Variants in ATXN3 observed in about 807,000 individuals in gnomAD.
The protein encoded by ATXN3 is ataxin-3.
In ATXN3, 28 loss-of-function variants were observed where a neutral mutation model predicts 58.2. The ratio of observed to expected loss-of-function variants is 0.48; its 90% CI spans 0.36 to 0.66. The LOEUF (loss-of-function observed/expected upper bound fraction) is 0.66, where lower values mean the gene tolerates loss of function less well. Ranked by LOEUF, ATXN3 falls within the 30% of genes least tolerant of loss-of-function variation. The probability of loss-of-function intolerance (pLI) is 0.00; values close to 1 mark genes in which losing one functional copy is unlikely to be tolerated. For missense variants in ATXN3, 321 were observed against 422.1 expected (o/e 0.76, Z 2.10); for synonymous variants, 113 against 138.5 (o/e 0.82, Z 1.29).
rs368734521 is a variant in ATXN3, at chr14:92,106,571, A to G, written c.-19T>C. On this transcript the variant is annotated 5_prime_UTR_variant, in exon 1 of 11. Transcript: ENST00000644486. ...ACTCCATGTTTATTTGTCTGGAGCC[A>G]ACGGCCCCCACGCCGAACCACCCCC... The G allele has an allele frequency of 1.7e-5, 28 of 1,611,738 alleles. No homozygotes were observed. The highest frequency in any genetic ancestry group is 2.2e-5 in the Non-Finnish European group (26 of 1,179,082).
In ATXN3 at chr14:92,060,247, C is replaced by T. The variant is rs1487027530; in HGVS notation, c.*4073G>A. ...ATATATATATACATATATATATACA[C>T]ACATATATATATATATATATATATT... On this transcript the variant is annotated 3_prime_UTR_variant, in exon 11 of 11. Transcript: ENST00000644486. The T allele has an allele frequency of 2.9e-5, 3 of 103,062 alleles. No individual in the cohort carries two copies. Among genetic ancestry groups the T allele is most frequent in the Non-Finnish European group, 5.7e-5 (3 of 52,588 alleles). The allele number at this position is 103,062 out of a possible 1,614,324, so 6.4% of individuals were successfully genotyped here.
intron 1 of ATXN3, among the ~76,000 whole-genome samples, chr14:92,097,975 T>C (rs1218922015): frequency 6.6e-6 from 1 of 152,216 alleles, no homozygotes. Flanking sequence ...AAGAATTATT[T>C]TAAACAAACA....
At chr14:92,064,500 C>A in intron 10 of ATXN3, 86 bp from the exon 11 acceptor site, 1 of 973,094 alleles carries the variant, frequency 1.0e-6, no homozygotes, top group Admixed American at 2.2e-5. Flanking sequence ...AAATGTATTT[C>A]TATTTGAGCA....
intron 9 of ATXN3, among the ~76,000 whole-genome samples, chr14:92,074,693 T>C (rs1297019892): frequency 3.3e-5 from 5 of 152,200 alleles, no homozygotes; most frequent in Non-Finnish European, 7.3e-5. Context: ...ATTAAGTATT[T>C]TCCTCTTTAA....
chr14:92,052,381 G>A (rs1034330590), upstream of ATXN3, among the ~76,000 whole-genome samples: 18 of 151,892 alleles, frequency 1.2e-4, no homozygotes, highest in African/African-American at 3.9e-4. Context: ...TCAGCTGCTC[G>A]GGAGGCTGAG....
intron 2 of ATXN3, chr14:92,096,383 G>C: frequency 8.1e-7 from 1 of 1,231,664 alleles, no homozygotes; most frequent in Middle Eastern, 2.9e-4. Context: ...CCAGCACTTT[G>C]GGAGGCCAAG....
chr14:92,065,170 T>C (rs532129302), intron 10 of ATXN3, among the ~76,000 whole-genome samples: 15 of 152,350 alleles, frequency 9.8e-5, no homozygotes, highest in Admixed American at 7.8e-4. Flanking sequence ...TCTATCTCTA[T>C]ACAGCTGTCA....
At chr14:92,086,253 C>CAAAAAA (rs869147623) in intron 6 of ATXN3, among the ~76,000 whole-genome samples, 21 of 94,924 alleles carry the variant, frequency 2.2e-4, no homozygotes, top group African/African-American at 7.4e-4. Flanking sequence ...ACTAAAAATA[C>CAAAAAA]AAAAAAAAAA....
rs760721207 is a variant in ATXN3 at position 92,082,318 on chromosome 14, T to G, written c.757A>C (p.Ile253Leu). The part of the protein sequence containing the change: ...EDEEADLRRA[I>L]QLSMQGSSRN... Reference sequence around the variant, plus strand: ...TCTTTACCTTGCATACTTAGCTGAATAGCCCTGCGGAGATCTGCTTCCTCA... The same window carrying G: ...TCTTTACCTTGCATACTTAGCTGAAGAGCCCTGCGGAGATCTGCTTCCTCA... The change falls in exon 8 of 11, where the codon ATT (isoleucine) becomes CTT (leucine). Residue 253 changes from isoleucine (I) to leucine (L), a missense_variant. Around this residue, in one of 2 missense-constraint regions of ATXN3, gnomAD observed 200 missense variants for 223.2 expected, o/e 0.90. Coordinates refer to ENST00000644486, the MANE Select transcript of ATXN3 (RefSeq NM_004993.6). The G allele has an allele frequency of 8.7e-6, 14 of 1,613,882 alleles. No individual in the cohort carries two copies. Among genetic ancestry groups the G allele is most frequent in the Non-Finnish European group, 1.1e-5 (13 of 1,179,884 alleles).
intron 1 of ATXN3, among the ~76,000 whole-genome samples, chr14:92,049,392 G>A (rs1832600408): frequency 6.6e-6 from 1 of 152,158 alleles, no homozygotes; most frequent in Admixed American, 6.5e-5. Flanking sequence ...TGAATAATCA[G>A]GCAGTCGTCC....
At chr14:92,071,552 G>A (rs1315944846) in intron 9 of ATXN3, 7 of 320,354 alleles carry the variant, frequency 2.2e-5, no homozygotes, top group Non-Finnish European at 4.3e-5. Context: ...AGCCAAGATC[G>A]CGCCACTGCA....
intron 10 of ATXN3, among the ~76,000 whole-genome samples, chr14:92,066,579 C>T (rs2058442954): frequency 6.9e-6 from 1 of 144,664 alleles, no homozygotes; most frequent in African/African-American, 2.5e-5. Context: ...ATATGTAACT[C>T]TGGGTTTAGA....
intron 2 of ATXN3, 48 bp downstream of exon 2, chr14:92,096,623 CAAA>C (rs376966269): frequency 6.5e-3 from 7,943 of 1,216,196 alleles, no homozygotes; most frequent in South Asian, 8.4e-3. Context: ...GACTCCGTCT[CAAA>C]AAAAAAAAAA....
chr14:92,094,239 C>T (rs763929451), intron 3 of ATXN3, among the ~76,000 whole-genome samples: 3 of 151,838 alleles, frequency 2.0e-5, no homozygotes, highest in Non-Finnish European at 4.4e-5. Context: ...CACGCCCAGC[C>T]GGCTATAGGT....
Position 92,058,931 on chromosome 14 carries a change from A to T in ATXN3, c.*5389T>A. 6.6e-6 allele frequency: 1 copy of T among 151,212 alleles called. No homozygotes were observed. The highest frequency in any genetic ancestry group is 1.5e-5 in the Non-Finnish European group (1 of 67,948). 9.4% of individuals were successfully genotyped at this position (151,212 alleles called of 1,614,324 possible). On this transcript the variant is annotated 3_prime_UTR_variant, in exon 11 of 11. Coordinates refer to ENST00000644486, the MANE Select transcript of ATXN3 (RefSeq NM_004993.6). The stretch of plus-strand genomic sequence containing the variant: ...ATTAGATAATCACATTTAAAAATGT[A>T]TGTTTTCCTCTTTCAAAAAAAAAAA...
chr14:92,093,541 T>C, intron 4 of ATXN3: 2 of 630,478 alleles, frequency 3.2e-6, no homozygotes, highest in South Asian at 4.1e-5. Flanking sequence ...GTCAGCTCTG[T>C]GCTGCCACAG....
chr14:92,089,222 T>C (rs1056783361), intron 5 of ATXN3, among the ~76,000 whole-genome samples: 5 of 151,734 alleles, frequency 3.3e-5, no homozygotes, highest in Admixed American at 6.6e-5. Context: ...ATTTGCCACA[T>C]TGGCCAGGCT....
chr14:92,051,130 C>T (rs931169041), upstream of ATXN3, among the ~76,000 whole-genome samples: 5 of 152,052 alleles, frequency 3.3e-5, no homozygotes, highest in African/African-American at 1.2e-4. Context: ...ATTTCCCTTC[C>T]TTCTGGGCTT....
chr14:92,060,017 TC>T lies in ATXN3; in HGVS notation c.*4302del, dbSNP rs2057647376. On this transcript the variant is annotated 3_prime_UTR_variant, in exon 11 of 11. Transcript: ENST00000644486. ...TTTAAACGATTCTCCTGCCTCAGCC[TC>T]CCAAGTAACTGGGATTACAGGTGCC... The T allele has an allele frequency of 6.7e-6, 1 of 149,886 alleles. No homozygotes were observed. The highest frequency in any genetic ancestry group is 2.4e-5 in the African/African-American group (1 of 41,146). The allele number at this position is 149,886 out of a possible 1,614,324, so 9.3% of individuals were successfully genotyped here.
Sources: allele counts gnomAD v4.1 joint callset (sites outside exome capture counted in the v4.1 genomes callset), GRCh38; gene constraint gnomAD v4.1.1; regional missense constraint gnomAD v4.1.1; transcripts MANE v1.5; gene names NCBI Gene and HGNC (gene_info 2026-07-23, HGNC 2026-07-21).